CLCN2: variants seen among roughly 807,000 people sequenced by gnomAD.
CLCN2 encodes the protein chloride channel protein 2.
Under a neutral mutation model 108.3 loss-of-function variants are expected in CLCN2, and 72 were observed. That is an observed-to-expected ratio of 0.66 (90% CI 0.55 to 0.81). CLCN2 has a LOEUF of 0.81. Ranked by LOEUF, CLCN2 falls within the 30% of genes least tolerant of loss-of-function variation. The probability of loss-of-function intolerance (pLI) is 0.00; values close to 1 mark genes in which losing one functional copy is unlikely to be tolerated. For synonymous variants in CLCN2, 471 were observed against 467.1 expected, an observed-to-expected ratio of 1.01 and a Z score of -0.11; for missense variants, 1,048 against 1,205.2, an observed-to-expected ratio of 0.87 and a Z score of 1.93.
In CLCN2 at chr3:184,355,903, C is replaced by T. The variant is rs1052151002; in HGVS notation, c.1086-125G>A. 14 of 787,606 alleles carry T rather than the reference C, an allele frequency of 1.8e-5. No homozygotes were observed. In the African/African-American group the frequency reaches 2.1e-4, roughly 12 times the overall value. 48.8% of individuals were successfully genotyped at this position (787,606 alleles called of 1,614,324 possible). On this transcript the variant is annotated intron_variant, in intron 10 of 23. Coordinates refer to ENST00000265593, the MANE Select transcript of CLCN2 (RefSeq NM_004366.6). This position sits in a 1 kb window ranked among gnomAD's most constrained non-coding sequence, Gnocchi z 6.3. ...AAAACACTCAGTCCTGACAGAAGGT[C>T]TCCTTTGCTGTTTATGATACGATAG...
chr3:184,353,503 G>A (rs1390635646), intron 16 of CLCN2, 81 bp from the exon 17 acceptor site: 91 of 1,543,054 alleles, frequency 5.9e-5, no homozygotes, highest in Non-Finnish European at 7.6e-5. Context: ...AGAGTGGGGG[G>A]CCTTGCATGC....
At position 184,352,008 on chromosome 3, in the gene CLCN2, C is replaced by T; in HGVS notation, c.2415+5G>A. The stretch of plus-strand genomic sequence containing the variant: ...ACCAGCCCTGGGCCAGGCTGCTGGC[C>T]CTACCTTGTGCAAAGAGGTCCGCTC... On this transcript the variant is annotated splice_donor_5th_base_variant and intron_variant, in intron 22 of 23. Transcript: ENST00000265593. 6.2e-7 allele frequency: 1 copy of T among 1,611,058 alleles called. No homozygotes were observed. The highest frequency in any genetic ancestry group is 8.5e-7 in the Non-Finnish European group (1 of 1,177,712).
rs576875465 is a variant in CLCN2 at position 184,356,777 on chromosome 3, A to C, written c.1085+216T>G. 4 of 579,196 alleles carry C rather than the reference A, an allele frequency of 6.9e-6. No individual in the cohort carries two copies. The East Asian group carries it at 8.9e-5, about 13-fold the overall frequency. 35.9% of individuals were successfully genotyped at this position (579,196 alleles called of 1,614,324 possible). On this transcript the variant is annotated intron_variant, in intron 10 of 23. Coordinates refer to ENST00000265593, the MANE Select transcript of CLCN2 (RefSeq NM_004366.6). ...GGAGGCCTTAGTCTTTGATTCCCAA[A>C]TGTCCTCTACCGCTGACTATAAACT...
intron 22 of CLCN2, chr3:184,348,963 T>C (rs1727898819): frequency 6.6e-6 from 1 of 152,242 alleles, no homozygotes; most frequent in African/African-American, 2.4e-5. Context: ...CTGGCCCTGC[T>C]TATCCTATGC....
chr3:184,351,938 A>T (rs1728129632), intron 22 of CLCN2, 75 bp downstream of exon 22: 5 of 1,145,226 alleles, frequency 4.4e-6, no homozygotes, highest in African/African-American at 1.5e-5. Flanking sequence ...CCTGAGTCCA[A>T]ACTTGTAGGG....
At chr3:184,354,504 G>T in intron 14 of CLCN2, 44 bp downstream of exon 14, 1 of 1,510,976 alleles carries the variant, frequency 6.6e-7, no homozygotes, top group Non-Finnish European at 9.2e-7. Flanking sequence ...GCTGGGGCGT[G>T]GGTGGGGGGG....
At position 184,352,736 on chromosome 3, in the gene CLCN2, C is replaced by T; in HGVS notation, c.2217+1G>A. On this transcript the variant is annotated splice_donor_variant, in intron 19 of 23. Transcript: ENST00000265593. LOFTEE classifies it high-confidence loss of function. Reference sequence around the variant, plus strand: ...TAGGAGGACAGGCTCCAGCCACTCACCTCCGAAGCAGCCTCAGGGGGTGGA... The same window carrying T: ...TAGGAGGACAGGCTCCAGCCACTCATCTCCGAAGCAGCCTCAGGGGGTGGA... 2.5e-6 allele frequency: 4 copies of T among 1,613,078 alleles called. No individual in the cohort carries two copies. Among genetic ancestry groups the T allele is most frequent in the Non-Finnish European group, 3.4e-6 (4 of 1,179,944 alleles).
At chr3:184,354,795 T>C in intron 13 of CLCN2, 109 bp downstream of exon 13, 1 of 1,393,736 alleles carries the variant, frequency 7.2e-7, no homozygotes. Flanking sequence ...GGGTCAGGGT[T>C]CGGGCTAGGG....
At chr3:184,352,657 C>G (rs923069451) in intron 19 of CLCN2, 80 bp downstream of exon 19, 1 of 1,522,034 alleles carries the variant, frequency 6.6e-7, no homozygotes. Flanking sequence ...GCAGGCACTG[C>G]AGGGTTAATG....
chr3:184,353,631 C>T, intron 16 of CLCN2, 31 bp downstream of exon 16: 1 of 1,611,024 alleles, frequency 6.2e-7, no homozygotes, highest in Non-Finnish European at 8.5e-7. Flanking sequence ...TGGGCAATGC[C>T]CCTAGCACCT....
Position 184,355,829 on chromosome 3 carries a change from C to G in CLCN2, c.1086-51G>C, listed in dbSNP as rs368025347. ...CGTGGGTGGCCAAGGGCTGGGTGGC[C>G]TCGCATATCTCAGGGCTGAGGTCAG... On this transcript the variant is annotated intron_variant, in intron 10 of 23. Coordinates refer to ENST00000265593, the MANE Select transcript of CLCN2 (RefSeq NM_004366.6). The surrounding 1 kb of genome is among the most constrained non-coding windows in gnomAD (Gnocchi z 6.3). 1.4e-6 allele frequency: 2 copies of G among 1,459,416 alleles called. No homozygotes were observed. Among genetic ancestry groups the G allele is most frequent in the Non-Finnish European group, 1.9e-6 (2 of 1,044,268 alleles). The allele number at this position is 1,459,416 out of a possible 1,614,324, so 90.4% of individuals were successfully genotyped here. A position where few individuals can be genotyped will look rare whatever the true frequency, so the allele number is the denominator to read the frequency against.
chr3:184,359,016 T>C lies in CLCN2; in HGVS notation c.179A>G (p.Glu60Gly). 1.2e-6 allele frequency: 2 copies of C among 1,613,580 alleles called. No homozygotes were observed. Among genetic ancestry groups the C allele is most frequent in the East Asian group, 2.2e-5 (1 of 44,876 alleles). ...KGPPSSRAAP[E>G]LLEYGRSRCA... ...ACGGCTCCGTCCATATTCCAAGAGC[T>C]CTGGGGCAGCCCGAGAGGAAGGGGG... is the stretch of plus-strand genomic sequence containing the variant. The change falls in exon 2 of 24, where the codon GAG becomes GGG. Residue 60 changes from glutamate (E) to glycine (G), a missense_variant. Coordinates refer to ENST00000265593, the MANE Select transcript of CLCN2 (RefSeq NM_004366.6).
chr3:184,350,663 C>T (rs537233737), intron 22 of CLCN2, among the ~76,000 whole-genome samples: 3 of 152,274 alleles, frequency 2.0e-5, no homozygotes, highest in Non-Finnish European at 4.4e-5. Context: ...TCTCGAACTG[C>T]TGACCTCAAG....
chr3:184,356,678 G>T (rs1728577327), intron 10 of CLCN2: 1 of 384,848 alleles, frequency 2.6e-6, no homozygotes, highest in Non-Finnish European at 4.8e-6. Context: ...CTATCCCCAT[G>T]GGTCATGGGG....
rs753691448 is a variant in CLCN2, at chr3:184,346,753, G to A, written c.2550C>T (p.Val850=). 3.1e-6 allele frequency: 5 copies of A among 1,613,984 alleles called. No homozygotes were observed. In the East Asian group the frequency reaches 1.1e-4, roughly 36 times the overall value. The change falls in exon 24 of 24, where the codon GTC becomes GTT. Residue 850 remains valine, a synonymous_variant. Transcript: ENST00000265593. This position sits in a 1 kb window ranked among gnomAD's most constrained non-coding sequence, Gnocchi z 6.0. ...CTCGGAAGCTGGCGAGGGGCGGCCGGACTTTCACACCCTGTGCTGTGACAG... is the reference window on the plus strand; with the variant it reads ...CTCGGAAGCTGGCGAGGGGCGGCCGAACTTTCACACCCTGTGCTGTGACAG... ...EGSVTAQGVK[V]RPPLASFRDS...
chr3:184,346,637 C>T lies in CLCN2; in HGVS notation c.2666G>A (p.Ser889Asn). ...HSRHGLPREG[S>N]PSDSDDKCQ ...GCATTTGTCGTCGCTGTCGGAAGGGCTGCCCTCCCGGGGGAGGCCATGACG... is the reference window on the plus strand; with the variant it reads ...GCATTTGTCGTCGCTGTCGGAAGGGTTGCCCTCCCGGGGGAGGCCATGACG... The change falls in exon 24 of 24, where the codon AGC (serine) becomes AAC (asparagine). Residue 889 changes from serine (S) to asparagine (N), a missense_variant. Transcript: ENST00000265593. This position sits in a 1 kb window ranked among gnomAD's most constrained non-coding sequence, Gnocchi z 6.0. The T allele has an allele frequency of 5.6e-6, 9 of 1,614,134 alleles. No individual in the cohort carries two copies. Among genetic ancestry groups the T allele is most frequent in the African/African-American group, 1.3e-5 (1 of 75,068 alleles).
Position 184,357,412 on chromosome 3 carries a change from G to A in CLCN2, c.848C>T (p.Thr283Ile). 3 of 1,614,114 alleles carry A rather than the reference G, an allele frequency of 1.9e-6. No individual in the cohort carries two copies. The highest frequency in any genetic ancestry group is 2.7e-5 in the African/African-American group (2 of 75,070). ...RNYWRGFFAA[T>I]FSAFIFRVLA... The stretch of plus-strand genomic sequence containing the variant: ...GACCCGGAAGATGAAGGCACTGAAG[G>A]TGGCAGCGAAGAAGCCCCGCCAGTA... Residue 283 changes from threonine (T) to isoleucine (I), a missense_variant, in exon 8 of 24, where the codon ACC (threonine) becomes ATC (isoleucine). Coordinates refer to ENST00000265593, the MANE Select transcript of CLCN2 (RefSeq NM_004366.6).
chr3:184,356,657 AG>A, intron 10 of CLCN2: 6 of 249,066 alleles, frequency 2.4e-5, no homozygotes, highest in East Asian at 1.9e-4. Context: ...AAAAAAAAAA[AG>A]AGATCTCATC....
Position 184,355,859 on chromosome 3 carries a change from G to A in CLCN2, c.1086-81C>T. 4 of 1,116,916 alleles carry A rather than the reference G, an allele frequency of 3.6e-6. No individual in the cohort carries two copies. The South Asian group carries it at 5.2e-5, about 14-fold the overall frequency. 69.2% of individuals were successfully genotyped at this position (1,116,916 alleles called of 1,614,324 possible). On this transcript the variant is annotated intron_variant, in intron 10 of 23. Transcript: ENST00000265593. The surrounding 1 kb of genome is among the most constrained non-coding windows in gnomAD (Gnocchi z 6.3). The stretch of plus-strand genomic sequence containing the variant: ...ATATCTCAGGGCTGAGGTCAGAGCA[G>A]AGCCTTGGCTCTTTCATGAAAACAC...
Sources: gnomAD v4.1 joint callset for allele counts (sites outside exome capture counted in the v4.1 genomes callset) on GRCh38, gnomAD v4.1.1 for gene constraint, Gnocchi (gnomAD v3.1) non-coding constraint, MANE v1.5 for transcripts, NCBI Gene and HGNC (gene_info 2026-07-23, HGNC 2026-07-21) for gene names.